The following TTLL11 variants were observed in gnomAD, a reference collection of about 807,000 sequenced individuals.
TTLL11 encodes the protein tubulin polyglutamylase TTLL11.
In TTLL11, 42 loss-of-function variants were observed where a neutral mutation model predicts 51.7. The ratio of observed to expected loss-of-function variants is 0.81; its 90% CI spans 0.64 to 1.05. The LOEUF is 1.05. Ranked by LOEUF, TTLL11 falls within the 50% of genes least tolerant of loss-of-function variation. The pLI is 0.00. For missense variants in TTLL11, 799 were observed against 940.4 expected (o/e 0.85, Z 1.97); for synonymous variants, 381 against 383.5 (o/e 0.99, Z 0.08).
chr9:121,868,382 A>G (rs1468345695), intron 7 of TTLL11, among the ~76,000 whole-genome samples: 1 of 152,164 alleles, frequency 6.6e-6, no homozygotes, highest in Non-Finnish European at 1.5e-5. Flanking sequence ...GAATAATTCT[A>G]TTTCCCAGCT....
Position 121,822,939 on chromosome 9 carries a change from G to A in TTLL11, c.1841-60C>T, listed in dbSNP as rs1836628960. ...CAGCTGCCCTACGCTGCCCTGGGAA[G>A]GCCCACCTCCAGCCACAAGGATGTC... On this transcript the variant is annotated intron_variant, in intron 8 of 8. Coordinates refer to ENST00000321582, the MANE Select transcript of TTLL11 (RefSeq NM_001139442.2). The surrounding 1 kb of genome is among the most constrained non-coding windows in gnomAD (Gnocchi z 5.8). 1.4e-6 allele frequency: 2 copies of A among 1,467,096 alleles called. No individual in the cohort carries two copies. The highest frequency in any genetic ancestry group is 1.8e-6 in the Non-Finnish European group (2 of 1,105,042). The allele number at this position is 1,467,096 out of a possible 1,614,324, so 90.9% of individuals were successfully genotyped here.
intron 1 of TTLL11, among the ~76,000 whole-genome samples, chr9:122,059,669 T>C (rs986374916): frequency 6.6e-6 from 1 of 152,216 alleles, no homozygotes; most frequent in Non-Finnish European, 1.5e-5. Flanking sequence ...TTAATACAAA[T>C]GTGGTGCCTG....
intron 6 of TTLL11, among the ~76,000 whole-genome samples, chr9:121,871,916 G>C (rs6478540): frequency 0.018 from 2,684 of 152,314 alleles, 53 homozygotes; most frequent in African/African-American, 0.06. Flanking sequence ...CCACTCCTGG[G>C]TCCTATCCTG....
At chr9:122,070,366 C>A (rs1379561605) in intron 1 of TTLL11, among the ~76,000 whole-genome samples, 1 of 152,060 alleles carries the variant, frequency 6.6e-6, no homozygotes, top group Non-Finnish European at 1.5e-5. Flanking sequence ...GGGGCAGTGG[C>A]AAGCCTGGCA....
At chr9:121,934,264 A>AAATAAATC (rs1424864629) in intron 6 of TTLL11, among the ~76,000 whole-genome samples, 5 of 151,878 alleles carry the variant, frequency 3.3e-5, no homozygotes, top group South Asian at 2.1e-4. Flanking sequence ...ATAAATAAAT[A>AAATAAATC]AATCCATTCG....
chr9:122,044,783 T>C (rs1844954050), intron 1 of TTLL11, among the ~76,000 whole-genome samples: 1 of 152,158 alleles, frequency 6.6e-6, no homozygotes, highest in South Asian at 2.1e-4. Flanking sequence ...ATCAAAATCA[T>C]AAGAAACTGC....
chr9:122,060,925 T>G (rs1845418809), intron 1 of TTLL11, among the ~76,000 whole-genome samples: 1 of 152,350 alleles, frequency 6.6e-6, no homozygotes, highest in Admixed American at 6.5e-5. Context: ...CCATAACAAA[T>G]TACCATGAAC....
chr9:121,856,916 C>T (rs1034045205), intron 8 of TTLL11, among the ~76,000 whole-genome samples: 1 of 152,230 alleles, frequency 6.6e-6, no homozygotes, highest in African/African-American at 2.4e-5. Context: ...CCACAGACTG[C>T]TCCTTTTGCT....
At chr9:122,056,839 T>C (rs961973291) in intron 1 of TTLL11, among the ~76,000 whole-genome samples, 4 of 151,850 alleles carry the variant, frequency 2.6e-5, no homozygotes, top group African/African-American at 9.7e-5. Flanking sequence ...GGAATGGGAG[T>C]ATAAACGGGA....
chr9:122,001,971 T>A (rs926509240), intron 3 of TTLL11, among the ~76,000 whole-genome samples: 2 of 152,182 alleles, frequency 1.3e-5, no homozygotes, highest in African/African-American at 4.8e-5. Context: ...TCTAAATGAG[T>A]GTGCTGGTTG....
At chr9:122,032,668 T>C (rs994657156) in intron 2 of TTLL11, among the ~76,000 whole-genome samples, 1 of 145,796 alleles carries the variant, frequency 6.9e-6, no homozygotes, top group South Asian at 2.1e-4. Context: ...AAAAGGTTGG[T>C]GGATTTTTTT....
intron 2 of TTLL11, among the ~76,000 whole-genome samples, chr9:122,038,830 A>G (rs138420419): frequency 4.6e-5 from 7 of 152,314 alleles, no homozygotes; most frequent in African/African-American, 1.7e-4. Context: ...TGCAGCCTGT[A>G]GTACTTAATA....
intron 8 of TTLL11, among the ~76,000 whole-genome samples, chr9:121,831,906 G>A (rs755782871): frequency 5.3e-5 from 8 of 152,078 alleles, no homozygotes; most frequent in South Asian, 4.2e-4. Context: ...TCACAGTCCT[G>A]GAGGCTGAAA....
intron 7 of TTLL11, 117 bp from the exon 8 acceptor site, chr9:121,860,560 C>T (rs2131380312): frequency 1.2e-6 from 1 of 808,366 alleles, no homozygotes; most frequent in East Asian, 2.7e-5. Flanking sequence ...GGTTGAAATC[C>T]TATCCCTCCA....
chr9:122,056,149 G>A (rs2131859428), intron 1 of TTLL11, among the ~76,000 whole-genome samples: 1 of 152,324 alleles, frequency 6.6e-6, no homozygotes. Flanking sequence ...AAGGGAGAGA[G>A]AAGAGGTCTC....
In TTLL11 at chr9:121,822,928, T is replaced by C. The variant is rs1396458488; in HGVS notation, c.1841-49A>G. On this transcript the variant is annotated intron_variant, in intron 8 of 8. Transcript: ENST00000321582. The surrounding 1 kb of genome is among the most constrained non-coding windows in gnomAD (Gnocchi z 5.8). ...GGGGGTGCACACAGCTGCCCTACGC[T>C]GCCCTGGGAAGGCCCACCTCCAGCC... 3.4e-6 allele frequency: 5 copies of C among 1,485,000 alleles called. No individual in the cohort carries two copies. The highest frequency in any genetic ancestry group is 4.5e-6 in the Non-Finnish European group (5 of 1,114,764). 92.0% of individuals were successfully genotyped at this position (1,485,000 alleles called of 1,614,324 possible).
At chr9:122,055,871 G>A (rs1241434312) in intron 1 of TTLL11, among the ~76,000 whole-genome samples, 1 of 152,238 alleles carries the variant, frequency 6.6e-6, no homozygotes, top group Non-Finnish European at 1.5e-5. Context: ...GACTGGGAGG[G>A]AGGGTGTTCC....
chr9:121,827,123 A>AT (rs373388045), intron 8 of TTLL11, among the ~76,000 whole-genome samples: 32 of 150,944 alleles, frequency 2.1e-4, no homozygotes, highest in African/African-American at 4.9e-4. Context: ...ATTTCTAACC[A>AT]TTTTTTTTTA....
chr9:121,960,703 C>T (rs532313282), intron 6 of TTLL11, among the ~76,000 whole-genome samples: 9 of 152,286 alleles, frequency 5.9e-5, no homozygotes, highest in African/African-American at 9.6e-5. Flanking sequence ...TTCTCAGGAC[C>T]GGTCTACGGT....
Sources: gnomAD v4.1 joint callset for allele counts (sites outside exome capture counted in the v4.1 genomes callset) on GRCh38, gnomAD v4.1.1 for gene constraint, Gnocchi (gnomAD v3.1) non-coding constraint, MANE v1.5 for transcripts, NCBI Gene and HGNC (gene_info 2026-07-23, HGNC 2026-07-21) for gene names.